TMEM217: variants seen among roughly 807,000 people sequenced by gnomAD.
TMEM217 encodes chromosome 6 open reading frame 128.
For missense variants in TMEM217, 204 were observed against 248.8 expected (o/e 0.82, Z 1.21); for synonymous variants, 76 against 88.3 (o/e 0.86, Z 0.78).
intron 1 of TMEM217, among the ~76,000 whole-genome samples, chr6:37,237,648 G>A (rs781459743): frequency 2.0e-5 from 3 of 152,200 alleles, no homozygotes; most frequent in Non-Finnish European, 4.4e-5. Flanking sequence ...ATGGTTTCAG[G>A]ATGAATAAAC....
intron 1 of TMEM217, among the ~76,000 whole-genome samples, chr6:37,239,933 A>G (rs533446018): frequency 9.9e-5 from 15 of 152,004 alleles, no homozygotes; most frequent in African/African-American, 3.6e-4. Flanking sequence ...TGCAAGGAAC[A>G]GAGACTCAAA....
chr6:37,222,164 G>A (rs781512871), intron 1 of TMEM217, among the ~76,000 whole-genome samples: 20 of 152,208 alleles, frequency 1.3e-4, no homozygotes, highest in Non-Finnish European at 1.5e-5. Context: ...TGGTACATCG[G>A]GGGCCATGGG....
chr6:37,215,259 C>T, downstream of TMEM217: 1 of 1,613,676 alleles, frequency 6.2e-7, no homozygotes, highest in Non-Finnish European at 8.5e-7. Flanking sequence ...TGGAGACAGA[C>T]AGGTAAATAT....
chr6:37,229,157 T>A (rs1005056415), intron 1 of TMEM217, among the ~76,000 whole-genome samples: 2 of 151,152 alleles, frequency 1.3e-5, no homozygotes, highest in African/African-American at 4.9e-5. Context: ...AAGAGGGAGG[T>A]GTATTTGTAT....
chr6:37,218,169 C>T (rs1390688169), exon 2 of TMEM217: 15 of 1,014,452 alleles, frequency 1.5e-5, no homozygotes, highest in South Asian at 1.2e-4. Flanking sequence ...AAGCTGCTAA[C>T]TTTTTTTTTT....
At chr6:37,215,128 A>T, downstream of TMEM217, 1 of 1,593,680 alleles carries the variant, frequency 6.3e-7, no homozygotes, top group South Asian at 1.1e-5. Context: ...GGTCACTATA[A>T]TAATGGCCTA....
intron 1 of TMEM217, among the ~76,000 whole-genome samples, chr6:37,238,284 A>G (rs1265017926): frequency 2.0e-5 from 3 of 152,164 alleles, no homozygotes; most frequent in Non-Finnish European, 2.9e-5. Flanking sequence ...CACTTACACA[A>G]TATAATTATG....
chr6:37,249,673 T>C (rs1305283976), intron 1 of TMEM217, among the ~76,000 whole-genome samples: 1 of 152,218 alleles, frequency 6.6e-6, no homozygotes, highest in Non-Finnish European at 1.5e-5. Flanking sequence ...ACTTTTCTGT[T>C]TCCTGTTCAA....
At chr6:37,243,510 G>A (rs1272279069) in intron 1 of TMEM217, among the ~76,000 whole-genome samples, 1 of 152,228 alleles carries the variant, frequency 6.6e-6, no homozygotes, top group Non-Finnish European at 1.5e-5. Context: ...TAAAGAAAGA[G>A]TTTAATTGAT....
At chr6:37,258,026 C>A (rs1224223411) in exon 1 of TMEM217, 1 of 1,590,372 alleles carries the variant, frequency 6.3e-7, no homozygotes, top group Non-Finnish European at 8.6e-7. Context: ...CCTTCCAGAT[C>A]CTAATCCCTG....
chr6:37,217,528 C>T, downstream of TMEM217: 1 of 625,254 alleles, frequency 1.6e-6, no homozygotes, highest in Non-Finnish European at 2.0e-6. Flanking sequence ...CAGAGTACAG[C>T]ACAGCAACAG....
chr6:37,216,942 T>C (rs1763236829), downstream of TMEM217, among the ~76,000 whole-genome samples: 1 of 152,192 alleles, frequency 6.6e-6, no homozygotes, highest in South Asian at 2.1e-4. Context: ...GGCACCTTGA[T>C]ATTGAACTTC....
At chr6:37,252,342 C>T (rs1179922898) in intron 1 of TMEM217, among the ~76,000 whole-genome samples, 1 of 151,992 alleles carries the variant, frequency 6.6e-6, no homozygotes, top group Non-Finnish European at 1.5e-5. Flanking sequence ...GTTGTTTTCA[C>T]ACTACAATGG....
intron 1 of TMEM217, among the ~76,000 whole-genome samples, chr6:37,252,368 G>T (rs986789628): frequency 2.5e-4 from 38 of 152,094 alleles, no homozygotes; most frequent in African/African-American, 8.7e-4. Flanking sequence ...ATGAATAGCT[G>T]CAAGAGAGAC....
At chr6:37,223,622 C>T (rs1437904606) in intron 1 of TMEM217, among the ~76,000 whole-genome samples, 2 of 152,112 alleles carry the variant, frequency 1.3e-5, no homozygotes, top group South Asian at 2.1e-4. Flanking sequence ...AATTATCCTG[C>T]CTCAGCCTCT....
At chr6:37,230,385 C>T (rs1407396792) in intron 1 of TMEM217, among the ~76,000 whole-genome samples, 2 of 152,150 alleles carry the variant, frequency 1.3e-5, no homozygotes, top group African/African-American at 4.8e-5. Flanking sequence ...CTGAATTGTG[C>T]CCCTCGTCAC....
intron 1 of TMEM217, among the ~76,000 whole-genome samples, chr6:37,223,330 G>C (rs1473392169): frequency 1.3e-5 from 2 of 152,060 alleles, no homozygotes; most frequent in Admixed American, 6.6e-5. Context: ...TCAAACTATG[G>C]AACACCACAC....
chr6:37,215,586 AAAAAAAAAAAAAAAAGAAAAG>A (rs1370866461), downstream of TMEM217, among the ~76,000 whole-genome samples: 35 of 150,414 alleles, frequency 2.3e-4, no homozygotes, highest in African/African-American at 8.3e-4. Flanking sequence ...AAAAAAAAAA[AAAAAAAAAAAAAAAAGAAAAG>A]AAAAAAGAAA....
At chr6:37,249,672 T>C (rs978649473) in intron 1 of TMEM217, among the ~76,000 whole-genome samples, 1 of 152,206 alleles carries the variant, frequency 6.6e-6, no homozygotes, top group African/African-American at 2.4e-5. Flanking sequence ...TACTTTTCTG[T>C]TTCCTGTTCA....
Sources: gnomAD v4.1 joint callset for allele counts (sites outside exome capture counted in the v4.1 genomes callset) on GRCh38, gnomAD v4.1.1 for gene constraint, MANE v1.5 for transcripts, NCBI Gene and HGNC (gene_info 2026-07-23, HGNC 2026-07-21) for gene names.